Variants in PTPRK observed in about 807,000 individuals in gnomAD.
PTPRK encodes the protein receptor-type tyrosine-protein phosphatase kappa.
A neutral mutation model predicts 178.0 loss-of-function variants in PTPRK; 75 were observed. The ratio of observed to expected loss-of-function variants is 0.42; its 90% confidence interval spans 0.35 to 0.51. The LOEUF (loss-of-function observed/expected upper bound fraction) is 0.51. Ranked by LOEUF, PTPRK falls within the 20% of genes least tolerant of loss-of-function variation. The pLI is 0.02. For missense variants in PTPRK, 1,441 were observed against 1,797.8 expected, an observed-to-expected ratio of 0.80 and a Z score of 3.59; for synonymous variants, 637 against 620.6, an observed-to-expected ratio of 1.03 and a Z score of -0.39.
chr6:128,108,207 C>T (rs1316917548), intron 7 of PTPRK, among the ~76,000 whole-genome samples: 2 of 151,644 alleles, frequency 1.3e-5, no homozygotes, highest in Non-Finnish European at 2.9e-5. Flanking sequence ...AAAAATCGTA[C>T]TAAGTTTAGT....
intron 3 of PTPRK, among the ~76,000 whole-genome samples, chr6:128,273,616 A>G (rs564008580): frequency 2.0e-5 from 3 of 152,260 alleles, no homozygotes; most frequent in African/African-American, 4.8e-5. Flanking sequence ...CTTCTGCTAC[A>G]ATCACCTCAA....
intron 18 of PTPRK, among the ~76,000 whole-genome samples, chr6:127,994,511 C>T (rs528740463): frequency 2.0e-4 from 30 of 151,690 alleles, no homozygotes; most frequent in African/African-American, 7.2e-4. Context: ...TATTATTATC[C>T]CCACTGCAAA....
intron 2 of PTPRK, among the ~76,000 whole-genome samples, chr6:128,383,625 T>C (rs1377695551): frequency 7.9e-5 from 12 of 152,228 alleles, no homozygotes; most frequent in Admixed American, 7.9e-4. Flanking sequence ...ATCATGTTTC[T>C]ATTTTTAAGC....
intron 1 of PTPRK, among the ~76,000 whole-genome samples, chr6:128,462,624 A>ATATT: frequency 7.3e-6 from 1 of 136,732 alleles, no homozygotes; most frequent in African/African-American, 2.7e-5. Context: ...AAGTAGGTAT[A>ATATT]TTTTATTTAT....
At chr6:128,088,262 C>T (rs1261983690) in intron 8 of PTPRK, among the ~76,000 whole-genome samples, 1 of 151,840 alleles carries the variant, frequency 6.6e-6, no homozygotes, top group African/African-American at 2.4e-5. Context: ...CCTGTAATCC[C>T]AGCTACTTGG....
intron 6 of PTPRK, 66 bp from the exon 7 acceptor site, chr6:128,184,791 T>A: frequency 6.9e-7 from 1 of 1,438,904 alleles, no homozygotes; most frequent in Non-Finnish European, 9.4e-7. Context: ...TATTAGTGTC[T>A]AATAAGGCCT....
chr6:128,185,850 T>C (rs1404503429), intron 6 of PTPRK, among the ~76,000 whole-genome samples: 2 of 152,070 alleles, frequency 1.3e-5, no homozygotes, highest in East Asian at 1.9e-4. Flanking sequence ...TGGCAATGCA[T>C]TGCATGAAAA....
intron 1 of PTPRK, among the ~76,000 whole-genome samples, chr6:128,473,312 T>C (rs550932857): frequency 7.2e-5 from 11 of 152,138 alleles, no homozygotes; most frequent in African/African-American, 2.4e-4. Context: ...TTTTGTGTTC[T>C]TATAGTATCA....
intron 3 of PTPRK, among the ~76,000 whole-genome samples, chr6:128,269,975 G>A (rs978424949): frequency 1.3e-5 from 2 of 152,118 alleles, no homozygotes; most frequent in African/African-American, 4.8e-5. Flanking sequence ...GTGACTGCAA[G>A]AAAGTCTTTA....
chr6:128,064,398 G>T (rs1781391136), intron 13 of PTPRK, among the ~76,000 whole-genome samples: 1 of 152,158 alleles, frequency 6.6e-6, no homozygotes, highest in African/African-American at 2.4e-5. Flanking sequence ...ATGTTTGATT[G>T]TCTACAATGG....
intron 1 of PTPRK, among the ~76,000 whole-genome samples, chr6:128,437,262 T>TATA (rs1332832889): frequency 7.9e-5 from 12 of 152,194 alleles, no homozygotes; most frequent in African/African-American, 2.9e-4. Context: ...ATAAGCGTAA[T>TATA]ATAAGAAAGT....
At chr6:128,008,593 T>G (rs1047597079) in intron 14 of PTPRK, among the ~76,000 whole-genome samples, 2 of 151,134 alleles carry the variant, frequency 1.3e-5, no homozygotes, top group African/African-American at 4.8e-5. Context: ...GTGATATTAG[T>G]TGATATAGTA....
chr6:128,401,994 C>G (rs1252420697), intron 1 of PTPRK, among the ~76,000 whole-genome samples: 1 of 152,126 alleles, frequency 6.6e-6, no homozygotes, highest in African/African-American at 2.4e-5. Flanking sequence ...AAGATTAATA[C>G]ATGTCACATT....
intron 13 of PTPRK, among the ~76,000 whole-genome samples, chr6:128,033,647 G>T (rs1459993431): frequency 1.3e-5 from 2 of 152,120 alleles, no homozygotes; most frequent in African/African-American, 4.8e-5. Context: ...CAGGGTGAGA[G>T]GATTGCTTGA....
rs373354811 is a variant in PTPRK at position 127,985,889 on chromosome 6, G to T, written c.3097-14C>A. 6.9e-6 allele frequency: 11 copies of T among 1,590,216 alleles called. No homozygotes were observed. The highest frequency in any genetic ancestry group is 1.7e-4 in the Middle Eastern group (1 of 5,966). ...ATTGTACCCCCTCTGTGCAAAGATG[G>T]AAAGAAATGTTTTCAAAAGCCATTT... On this transcript the variant is annotated splice_polypyrimidine_tract_variant and intron_variant, in intron 21 of 29. Coordinates refer to ENST00000368226, the MANE Select transcript of PTPRK (RefSeq NM_002844.4).
chr6:128,189,333 G>A lies in PTPRK; in HGVS notation c.869-4608C>T, dbSNP rs554393319. Among the ~76,000 whole-genome samples, 14 of 147,306 alleles carry A rather than the reference G, an allele frequency of 9.5e-5. No homozygotes were observed. In the South Asian group the frequency reaches 1.5e-3, roughly 16 times the overall value. The stretch of plus-strand genomic sequence containing the variant: ...CGGCTCACTGCAACCTCTGCCTCCC[G>A]GGTTCAAGCTACTCTCCTGCCTCAG... On this transcript the variant is annotated intron_variant, in intron 6 of 29. Coordinates refer to ENST00000368226, the MANE Select transcript of PTPRK (RefSeq NM_002844.4).
At chr6:128,469,952 AGACCATTTTATG>A (rs1431702058) in intron 1 of PTPRK, among the ~76,000 whole-genome samples, 1 of 152,212 alleles carries the variant, frequency 6.6e-6, no homozygotes, top group African/African-American at 2.4e-5. Context: ...CTAGCCCTGC[AGACCATTTTATG>A]GGCCCAGTGA....
At chr6:128,357,538 T>C (rs1372661314) in intron 2 of PTPRK, among the ~76,000 whole-genome samples, 1 of 152,214 alleles carries the variant, frequency 6.6e-6, no homozygotes, top group Non-Finnish European at 1.5e-5. Context: ...CCCAGACATC[T>C]AGCTCCACTG....
chr6:128,183,721 T>C (rs1226582962), intron 7 of PTPRK, among the ~76,000 whole-genome samples: 1 of 152,192 alleles, frequency 6.6e-6, no homozygotes, highest in Admixed American at 6.6e-5. Flanking sequence ...TTATTGGCTT[T>C]TAATTAATAG....
Sources: gnomAD v4.1 joint callset for allele counts (sites outside exome capture counted in the v4.1 genomes callset) on GRCh38, gnomAD v4.1.1 for gene constraint, MANE v1.5 for transcripts, NCBI Gene and HGNC (gene_info 2026-07-23, HGNC 2026-07-21) for gene names.